Variants in EXT1 observed in about 807,000 individuals in gnomAD.
The protein encoded by EXT1 is exostosin glycosyltransferase 1.
Under a neutral mutation model 82.5 loss-of-function variants are expected in EXT1, and 20 were observed. The observed-to-expected ratio is 0.24, with a 90% CI of 0.17 to 0.35. The LOEUF is 0.35. Ranked by LOEUF, EXT1 falls within the 10% of genes least tolerant of loss-of-function variation. The pLI is 1.00. For synonymous variants in EXT1, 348 were observed against 350.8 expected (o/e 0.99, Z 0.09); for missense variants, 757 against 936.5 (o/e 0.81, Z 2.50).
At chr8:118,081,755 T>C (rs6983199) in intron 1 of EXT1, among the ~76,000 whole-genome samples, 63,342 of 151,962 alleles carry the variant, frequency 0.42, 13,482 homozygotes, top group Non-Finnish European at 0.45. Flanking sequence ...CCCCATTTAA[T>C]TGTGCAGTCG....
chr8:117,938,353 T>TGAGTA (rs2129665853), intron 1 of EXT1, among the ~76,000 whole-genome samples: 1 of 152,224 alleles, frequency 6.6e-6, no homozygotes, highest in East Asian at 1.9e-4. Flanking sequence ...TCCCAGCTAC[T>TGAGTA]CAGGAGGCTG....
Position 117,837,165 on chromosome 8 carries a change from G to C in EXT1, c.999C>G (p.Phe333Leu), listed in dbSNP as rs201458269. 1.2e-6 allele frequency: 2 copies of C among 1,613,952 alleles called. No homozygotes were observed. Among genetic ancestry groups the C allele is most frequent in the Non-Finnish European group, 1.7e-6 (2 of 1,179,972 alleles). Residue 333 changes from phenylalanine to leucine, a missense_variant, in exon 2 of 11, where the codon TTC becomes TTG. Physicochemically the swap from Phe to Leu is conservative, Grantham distance 22. This residue lies in a region of EXT1 where 247 missense variants were observed against 330.1 expected (regional missense o/e 0.75). Coordinates refer to ENST00000378204, the MANE Select transcript of EXT1 (RefSeq NM_000127.3). ...DYREMLHNAT[F>L]CLVPRGRRLG... Reference sequence around the variant, plus strand: ...GCCTGCGACCACGAGGAACCAGACAGAAAGTGGCATTGTGCAGCATTTCCC... The same window carrying C: ...GCCTGCGACCACGAGGAACCAGACACAAAGTGGCATTGTGCAGCATTTCCC...
chr8:118,028,479 T>C (rs1816242182), intron 1 of EXT1, among the ~76,000 whole-genome samples: 1 of 152,124 alleles, frequency 6.6e-6, no homozygotes, highest in South Asian at 2.1e-4. Context: ...AGCCTGGTAG[T>C]TTCTAATTTT....
chr8:117,837,650 C>T (rs187705136), intron 1 of EXT1, among the ~76,000 whole-genome samples: 1 of 152,190 alleles, frequency 6.6e-6, no homozygotes, highest in Admixed American at 6.5e-5. Context: ...CTATTAAAAA[C>T]TATTCAGAAA....
In EXT1 at chr8:118,111,333, T is replaced by C; in HGVS notation, c.-287A>G. 2 of 596,536 alleles carry C rather than the reference T, an allele frequency of 3.4e-6. No homozygotes were observed. Among genetic ancestry groups the C allele is most frequent in the South Asian group, 2.1e-5 (1 of 48,582 alleles). The allele number at this position is 596,536 out of a possible 1,614,324, so 37.0% of individuals were successfully genotyped here. On this transcript the variant is annotated 5_prime_UTR_variant, in exon 1 of 11. Coordinates refer to ENST00000378204, the MANE Select transcript of EXT1 (RefSeq NM_000127.3). ...GGGCGGGCGAGCAGCGGACTGTAAT[T>C]TTCTTGCATGCAACAAGACGGAGGA...
rs2129701317 is a variant in EXT1 at position 117,807,280 on chromosome 8, C to T, written c.1820G>A (p.Gly607Glu). The T allele has an allele frequency of 6.2e-7, 1 of 1,614,190 alleles. No homozygotes were observed. Among genetic ancestry groups the T allele is most frequent in the Non-Finnish European group, 8.5e-7 (1 of 1,180,016 alleles). The change falls in exon 9 of 11, where the codon GGA (glycine) becomes GAA (glutamate). Residue 607 changes from glycine (G) to glutamate (E), a missense_variant. Gly to Glu is a moderately conservative substitution (Grantham distance 98). Around this residue, in one of 4 missense-constraint regions of EXT1, gnomAD observed 128 missense variants for 223.2 expected, o/e 0.57. Transcript: ENST00000378204. ...GTCGTTCGTCCACTTTGATGTGTATCCCCACCGCTCCTTAGAGTTATCCCA... is the reference window on the plus strand; with the variant it reads ...GTCGTTCGTCCACTTTGATGTGTATTCCCACCGCTCCTTAGAGTTATCCCA... ...HFWDNSKERW[G>E]YTSKWTNDYS...
chr8:117,831,692 T>A (rs1285507098), intron 3 of EXT1: 1 of 470,858 alleles, frequency 2.1e-6, no homozygotes, highest in East Asian at 6.9e-5. Context: ...GCTGCTTTAA[T>A]AGGAAAGTCA....
chr8:117,858,810 C>CAAGGCAGGAAGGA lies in EXT1; in HGVS notation c.963-21610_963-21609insTCCTTCCTGCCTT, dbSNP rs1182184208. Among the ~76,000 whole-genome samples the CAAGGCAGGAAGGA allele has an allele frequency of 4.9e-4, 17 of 34,356 alleles. 1 individual carries two copies. Among genetic ancestry groups the CAAGGCAGGAAGGA allele is most frequent in the Admixed American group, 1.0e-3 (3 of 2,920 alleles). The allele number at this position is 34,356 out of a possible 152,430, so 22.5% of individuals were successfully genotyped here. A position where few individuals can be genotyped will look rare whatever the true frequency, so the allele number is the denominator to read the frequency against. Reference sequence around the variant, plus strand: ...GCAGGCAAGGCAAGGCAAGGCAAGGCAGGAAGGAAGGAAGGAAGGAAGGAA... The same window carrying CAAGGCAGGAAGGA: ...GCAGGCAAGGCAAGGCAAGGCAAGGCAAGGCAGGAAGGAAGGAAGGAAGGAAGGAAGGAAGGAA... On this transcript the variant is annotated intron_variant, in intron 1 of 10. Coordinates refer to ENST00000378204, the MANE Select transcript of EXT1 (RefSeq NM_000127.3).
intron 1 of EXT1, among the ~76,000 whole-genome samples, chr8:117,984,049 A>G (rs1336576486): frequency 2.6e-5 from 4 of 152,248 alleles, no homozygotes; most frequent in African/African-American, 9.6e-5. Context: ...AACAAGACAG[A>G]GAACTATCCT....
intron 1 of EXT1, among the ~76,000 whole-genome samples, chr8:118,100,451 C>T (rs1817697970): frequency 6.6e-6 from 1 of 152,174 alleles, no homozygotes; most frequent in African/African-American, 2.4e-5. Flanking sequence ...CTGGCGAGGA[C>T]TTAAAAGTCA....
At chr8:117,864,646 G>A (rs906935134) in intron 1 of EXT1, among the ~76,000 whole-genome samples, 3 of 152,074 alleles carry the variant, frequency 2.0e-5, no homozygotes, top group Non-Finnish European at 4.4e-5. Context: ...CTACTTGGGA[G>A]GCTGAGGCAG....
intron 1 of EXT1, among the ~76,000 whole-genome samples, chr8:118,034,020 A>T (rs1319368165): frequency 6.6e-6 from 1 of 152,220 alleles, no homozygotes; most frequent in Non-Finnish European, 1.5e-5. Flanking sequence ...ACAAATAATA[A>T]GGCAGAAGCA....
chr8:117,837,113 A>C lies in EXT1; in HGVS notation c.1051T>G (p.Leu351Val). The C allele has an allele frequency of 1.9e-6, 3 of 1,613,730 alleles. No homozygotes were observed. The highest frequency in any genetic ancestry group is 1.1e-5 in the South Asian group (1 of 91,068). ...RLGSFRFLEALQAACVPVMLS... is the reference protein window; with the variant it reads ...RLGSFRFLEAVQAACVPVMLS... ...AAGGCTCCAGGGCCTCTTACCTGCAAAGCCTCCAGGAATCTGAAGGACCCA... is the reference window on the plus strand; with the variant it reads ...AAGGCTCCAGGGCCTCTTACCTGCACAGCCTCCAGGAATCTGAAGGACCCA... The change falls in exon 2 of 11, where the codon TTG becomes GTG. Residue 351 changes from leucine to valine, a missense_variant. Physicochemically the swap from Leu to Val is conservative, Grantham distance 32. This residue lies in a region of EXT1 where 247 missense variants were observed against 330.1 expected (regional missense o/e 0.75). Transcript: ENST00000378204.
At chr8:118,001,878 A>G (rs1286648479) in intron 1 of EXT1, among the ~76,000 whole-genome samples, 1 of 152,250 alleles carries the variant, frequency 6.6e-6, no homozygotes, top group African/African-American at 2.4e-5. Context: ...ACCATGACCA[A>G]GCTTTTAAAT....
chr8:117,830,694 G>A (rs549130634), intron 3 of EXT1, among the ~76,000 whole-genome samples: 34 of 152,256 alleles, frequency 2.2e-4, no homozygotes, highest in Non-Finnish European at 4.9e-4. Flanking sequence ...TTATAGAGGG[G>A]TAACTATAGG....
chr8:118,006,961 C>T (rs1052785450), intron 1 of EXT1, among the ~76,000 whole-genome samples: 7 of 152,174 alleles, frequency 4.6e-5, no homozygotes, highest in Non-Finnish European at 8.8e-5. Flanking sequence ...TATGTGAAAT[C>T]CTTCAGTTGT....
In EXT1 at chr8:117,795,144, A is replaced by G. The variant is rs1823071934; in HGVS notation, c.*4568T>C. On this transcript the variant is annotated 3_prime_UTR_variant, in exon 11 of 11. Transcript: ENST00000378204. ...TGACTTGATTTTAAACAAGGGTGAGACTGTGCTATCCTGAGGGCTCAGCTT... is the reference window on the plus strand; with the variant it reads ...TGACTTGATTTTAAACAAGGGTGAGGCTGTGCTATCCTGAGGGCTCAGCTT... 7 of 152,206 alleles carry G rather than the reference A, an allele frequency of 4.6e-5. No individual in the cohort carries two copies. The highest frequency in any genetic ancestry group is 4.6e-4 in the Admixed American group (7 of 15,276). The allele number at this position is 152,206 out of a possible 1,614,324, so 9.4% of individuals were successfully genotyped here. A position where few individuals can be genotyped will look rare whatever the true frequency, so the allele number is the denominator to read the frequency against.
intron 1 of EXT1, among the ~76,000 whole-genome samples, chr8:117,863,411 G>GTTT (rs10624775): frequency 0.13 from 17,045 of 132,148 alleles, 1,592 homozygotes; most frequent in East Asian, 0.37. Context: ...CTAAGTCTAG[G>GTTT]TTTTTTTTTT....
intron 1 of EXT1, among the ~76,000 whole-genome samples, chr8:118,079,332 T>C (rs1817267677): frequency 6.6e-6 from 1 of 152,248 alleles, no homozygotes; most frequent in Non-Finnish European, 1.5e-5. Flanking sequence ...AATTTCCCTC[T>C]GTGCATGAAG....
Sources: allele counts gnomAD v4.1 joint callset (sites outside exome capture counted in the v4.1 genomes callset), GRCh38; gene constraint gnomAD v4.1.1; regional missense constraint gnomAD v4.1.1; transcripts MANE v1.5; gene names NCBI Gene and HGNC (gene_info 2026-07-23, HGNC 2026-07-21).